The following LRRC37A2 variants were observed in gnomAD, a reference collection of about 807,000 sequenced individuals.
LRRC37A2 encodes the protein leucine rich repeat containing 37 member A2, also known as leucine-rich repeat-containing protein 37A2.
LRRC37A2 carries 9 observed loss-of-function variants against 68.8 expected under a neutral mutation model. That is an observed-to-expected ratio of 0.13 (90% CI 0.08 to 0.23). LRRC37A2 has a LOEUF of 0.23. LRRC37A2 is among the 10% of genes least tolerant of loss of function. The pLI is 1.00. For missense variants in LRRC37A2, 168 were observed against 950.4 expected, an observed-to-expected ratio of 0.18 and a Z score of 10.82; for synonymous variants, 63 against 367.6, an observed-to-expected ratio of 0.17 and a Z score of 9.48.
At chr17:46,804,260 G>GT in the LRRC37A2 span, among the ~76,000 whole-genome samples, 16 of 151,880 alleles carry the variant, frequency 1.1e-4, no homozygotes, top group Non-Finnish European at 2.1e-4. Flanking sequence ...GCTAATTTTT[G>GT]TATTTTTAGT....
the LRRC37A2 span, among the ~76,000 whole-genome samples, chr17:46,811,721 G>A: frequency 2.6e-5 from 4 of 152,172 alleles, no homozygotes; most frequent in African/African-American, 9.7e-5. Context: ...TTGGGAGGCC[G>A]AGGCGGGTGG....
At chr17:47,005,654 A>G in the LRRC37A2 span, 27 of 152,152 alleles carry the variant, frequency 1.8e-4, no homozygotes, top group Non-Finnish European at 3.2e-4. Context: ...TTCTTGCTGT[A>G]ATGTCACAGT....
At chr17:46,968,073 G>T in the LRRC37A2 span, among the ~76,000 whole-genome samples, 1 of 152,096 alleles carries the variant, frequency 6.6e-6, no homozygotes, top group Admixed American at 6.6e-5. Context: ...GCCTTCTTCA[G>T]CTTGGGGCAT....
the LRRC37A2 span, among the ~76,000 whole-genome samples, chr17:46,976,677 G>A: frequency 3.9e-5 from 6 of 151,908 alleles, no homozygotes; most frequent in South Asian, 2.1e-4. Flanking sequence ...AACTTGGCCC[G>A]GTGGAAAAGC....
the LRRC37A2 span, among the ~76,000 whole-genome samples, chr17:46,573,299 G>A: frequency 3.7e-5 from 1 of 26,902 alleles, no homozygotes; most frequent in Non-Finnish European, 8.6e-5. Flanking sequence ...AAACAAGTAA[G>A]CATAACCAGG....
At chr17:46,738,908 C>T in the LRRC37A2 span, among the ~76,000 whole-genome samples, 1 of 152,218 alleles carries the variant, frequency 6.6e-6, no homozygotes, top group Non-Finnish European at 1.5e-5. Flanking sequence ...TCTAGACCAG[C>T]CTGGGCAATA....
At chr17:46,934,266 AG>A in the LRRC37A2 span, among the ~76,000 whole-genome samples, 1 of 151,512 alleles carries the variant, frequency 6.6e-6, no homozygotes, top group Non-Finnish European at 1.5e-5. Context: ...TAAAATGGGG[AG>A]GCCTGTGGAC....
chr17:46,775,609 CTTTTTTTT>C, the LRRC37A2 span, among the ~76,000 whole-genome samples: 15 of 111,636 alleles, frequency 1.3e-4, no homozygotes, highest in Non-Finnish European at 2.7e-4. Context: ...GCCAGAAGTT[CTTTTTTTT>C]TTTTTTTTTT....
the LRRC37A2 span, among the ~76,000 whole-genome samples, chr17:46,575,307 C>T: frequency 0.018 from 2,736 of 149,718 alleles, 97 homozygotes; most frequent in African/African-American, 0.061. Flanking sequence ...TGCTGGTTCA[C>T]AGTAAGAGCA....
the LRRC37A2 span, among the ~76,000 whole-genome samples, chr17:46,839,928 CT>C: frequency 8.0e-6 from 1 of 125,750 alleles, no homozygotes; most frequent in South Asian, 2.6e-4. Context: ...TTCTTTCTTT[CT>C]TTCTTTCTTT....
At chr17:46,854,999 C>A in the LRRC37A2 span, among the ~76,000 whole-genome samples, 1 of 152,328 alleles carries the variant, frequency 6.6e-6, no homozygotes, top group African/African-American at 2.4e-5. Flanking sequence ...ATCTGATCCT[C>A]AGAGCCATTT....
chr17:46,896,136 CA>C, the LRRC37A2 span, among the ~76,000 whole-genome samples: 2 of 150,982 alleles, frequency 1.3e-5, no homozygotes, highest in African/African-American at 2.4e-5. Context: ...AAAGAAAAAA[CA>C]AAAAAAATTA....
the LRRC37A2 span, among the ~76,000 whole-genome samples, chr17:46,494,186 G>C: frequency 1.9e-4 from 28 of 151,078 alleles, no homozygotes; most frequent in African/African-American, 5.2e-4. Flanking sequence ...TATATATTTT[G>C]GATATAAGTG....
the LRRC37A2 span, among the ~76,000 whole-genome samples, chr17:46,735,412 C>T: frequency 6.6e-6 from 1 of 151,260 alleles, no homozygotes. Context: ...TGCCATGACT[C>T]TAGTTAAGAG....
the LRRC37A2 span, chr17:46,917,056 G>T: frequency 5.3e-5 from 8 of 152,254 alleles, no homozygotes; most frequent in African/African-American, 1.7e-4. Context: ...TGAATTTGGG[G>T]GGGACACATT....
At chr17:46,835,413 G>A in the LRRC37A2 span, among the ~76,000 whole-genome samples, 54 of 152,044 alleles carry the variant, frequency 3.6e-4, no homozygotes, top group African/African-American at 1.2e-3. Flanking sequence ...GGGTTTCACC[G>A]TGTTAGCCAG....
chr17:46,831,171 AG>A, the LRRC37A2 span, among the ~76,000 whole-genome samples: 1 of 152,188 alleles, frequency 6.6e-6, no homozygotes, highest in East Asian at 1.9e-4. Flanking sequence ...AACAGAGCTG[AG>A]GGCTTGCAGT....
At chr17:46,833,045 G>A in the LRRC37A2 span, 91 of 324,734 alleles carry the variant, frequency 2.8e-4, no homozygotes, top group Admixed American at 7.7e-4. Context: ...TCCCTGCAGC[G>A]CAGTGACTGC....
chr17:46,722,161 T>A, the LRRC37A2 span: 1 of 1,611,714 alleles, frequency 6.2e-7, no homozygotes, highest in East Asian at 2.2e-5. Context: ...GCGCTCGAAC[T>A]GAACATGGCT....
Sources: gnomAD v4.1 joint callset for allele counts (sites outside exome capture counted in the v4.1 genomes callset) on GRCh38, gnomAD v4.1.1 for gene constraint, MANE v1.5 for transcripts, NCBI Gene and HGNC (gene_info 2026-07-23, HGNC 2026-07-21) for gene names.